PTPRD: variants seen among roughly 807,000 people sequenced by gnomAD.
The protein encoded by PTPRD is protein tyrosine phosphatase receptor type D.
A neutral mutation model predicts 214.5 loss-of-function variants in PTPRD; 34 were observed. That is an observed-to-expected ratio of 0.16 (90% CI 0.12 to 0.21). PTPRD has a LOEUF of 0.21. PTPRD is among the 10% of genes least tolerant of loss of function. The pLI, the probability that PTPRD is intolerant of heterozygous loss-of-function variation, is 1.00. For missense variants in PTPRD, 2,545 were observed against 2,398.7 expected (o/e 1.06, Z -1.27); for synonymous variants, 1,128 against 845.7 (o/e 1.33, Z -5.79).
chr9:8,440,054 T>C (rs1190808922), intron 34 of PTPRD, among the ~76,000 whole-genome samples: 1 of 150,336 alleles, frequency 6.7e-6, no homozygotes. Context: ...CACTGGCTCT[T>C]AGTCCTATAG....
chr9:8,452,881 C>A (rs1162509360), intron 33 of PTPRD, among the ~76,000 whole-genome samples: 2 of 152,102 alleles, frequency 1.3e-5, no homozygotes, highest in East Asian at 1.9e-4. Flanking sequence ...AATTCATGGT[C>A]TTGAAACAAA....
chr9:10,070,581 AG>A (rs1328823255), intron 3 of PTPRD, among the ~76,000 whole-genome samples: 5 of 152,080 alleles, frequency 3.3e-5, no homozygotes, highest in Non-Finnish European at 7.4e-5. Flanking sequence ...TAAAATTAAA[AG>A]AGTCATTTAT....
chr9:8,499,620 CAG>C (rs772162510), intron 25 of PTPRD, 25 bp downstream of exon 25: 25 of 1,588,578 alleles, frequency 1.6e-5, no homozygotes, highest in East Asian at 9.0e-5. Context: ...TATATAAAAA[CAG>C]AGGTACATAA....
At chr9:10,262,030 A>G (rs1445011722) in intron 3 of PTPRD, among the ~76,000 whole-genome samples, 1 of 152,174 alleles carries the variant, frequency 6.6e-6, no homozygotes, top group Non-Finnish European at 1.5e-5. Flanking sequence ...AATCAAAGAG[A>G]GAAGATAATC....
In PTPRD at chr9:9,292,144, C is replaced by T. The variant is rs543924431; in HGVS notation, c.-203+105305G>A. 1.4e-4 allele frequency among the ~76,000 whole-genome samples: 21 copies of T among 150,376 alleles called. No individual in the cohort carries two copies. In the East Asian group the frequency reaches 2.0e-3, roughly 14 times the overall value. On this transcript the variant is annotated intron_variant, in intron 9 of 45. Coordinates refer to ENST00000381196, the MANE Select transcript of PTPRD (RefSeq NM_002839.4). ...TAGTGACATGGAAGGATCCTGAAAA[C>T]GTTTCATTCTCCTTAGATACTCTGT... is the stretch of plus-strand genomic sequence containing the variant.
intron 12 of PTPRD, among the ~76,000 whole-genome samples, chr9:8,671,176 G>A (rs781162286): frequency 1.6e-4 from 25 of 152,034 alleles, no homozygotes; most frequent in Non-Finnish European, 3.1e-4. Context: ...TATTCTAAAC[G>A]AATAACCCAA....
chr9:8,761,455 CTGTTTA>C (rs1381403285), intron 11 of PTPRD, among the ~76,000 whole-genome samples: 1 of 152,088 alleles, frequency 6.6e-6, no homozygotes, highest in East Asian at 1.9e-4. Context: ...AATATGGTTA[CTGTTTA>C]TAATGACCAT....
intron 3 of PTPRD, among the ~76,000 whole-genome samples, chr9:10,138,165 A>G (rs1293978726): frequency 6.6e-6 from 1 of 152,060 alleles, no homozygotes; most frequent in Non-Finnish European, 1.5e-5. Flanking sequence ...GAGAAAAGAG[A>G]TAAGATCTAA....
At chr9:8,791,117 G>C (rs1044274037) in intron 11 of PTPRD, among the ~76,000 whole-genome samples, 7 of 152,138 alleles carry the variant, frequency 4.6e-5, no homozygotes, top group African/African-American at 1.7e-4. Context: ...GAAGAAAGTA[G>C]AATCCTCAAA....
intron 35 of PTPRD, among the ~76,000 whole-genome samples, chr9:8,415,624 ATAATC>A (rs550361990): frequency 7.2e-4 from 110 of 152,178 alleles, no homozygotes; most frequent in Non-Finnish European, 1.3e-3. Context: ...CAAATGTAAT[ATAATC>A]TAAACAGTAA....
chr9:9,445,555 G>C (rs1156705065), intron 8 of PTPRD, among the ~76,000 whole-genome samples: 1 of 152,138 alleles, frequency 6.6e-6, no homozygotes, highest in East Asian at 1.9e-4. Flanking sequence ...AATCATGGCG[G>C]AAGGGGAAGC....
chr9:8,692,686 G>T (rs1239980606), intron 12 of PTPRD, among the ~76,000 whole-genome samples: 2 of 152,130 alleles, frequency 1.3e-5, no homozygotes, highest in African/African-American at 4.8e-5. Flanking sequence ...TTTTAAAATT[G>T]TTAAGTGCTG....
intron 40 of PTPRD, 104 bp downstream of exon 40, chr9:8,341,589 A>T: frequency 7.7e-7 from 1 of 1,307,184 alleles, no homozygotes; most frequent in Non-Finnish European, 1.1e-6. Context: ...AGGTCAAATG[A>T]ATCTTGTACT....
chr9:8,334,661 C>G (rs1275407602), intron 43 of PTPRD, among the ~76,000 whole-genome samples: 1 of 109,638 alleles, frequency 9.1e-6, no homozygotes, highest in African/African-American at 3.8e-5. Context: ...CAAAAGCTAA[C>G]AGAAGACAAG....
intron 12 of PTPRD, among the ~76,000 whole-genome samples, chr9:8,673,224 A>G (rs1337001202): frequency 1.3e-5 from 2 of 152,114 alleles, no homozygotes; most frequent in Non-Finnish European, 2.9e-5. Flanking sequence ...ACACACACAT[A>G]CGCACAGCTA....
At chr9:9,552,331 T>C (rs1168297549) in intron 8 of PTPRD, among the ~76,000 whole-genome samples, 1 of 151,902 alleles carries the variant, frequency 6.6e-6, no homozygotes, top group Non-Finnish European at 1.5e-5. Flanking sequence ...TGTTGGATAA[T>C]TTCGCAGTCA....
chr9:8,671,332 T>C (rs1322942423), intron 12 of PTPRD, among the ~76,000 whole-genome samples: 2 of 152,040 alleles, frequency 1.3e-5, no homozygotes, highest in African/African-American at 4.8e-5. Context: ...GGAAGGCATA[T>C]AAATTAGTAA....
chr9:8,534,472 G>C (rs545717168), intron 14 of PTPRD, among the ~76,000 whole-genome samples: 3 of 151,852 alleles, frequency 2.0e-5, no homozygotes, highest in East Asian at 3.9e-4. Flanking sequence ...GATATCTTAC[G>C]GTTTGAGTCA....
intron 4 of PTPRD, among the ~76,000 whole-genome samples, chr9:9,952,535 T>C (rs1002224506): frequency 6.6e-6 from 1 of 152,162 alleles, no homozygotes; most frequent in African/African-American, 2.4e-5. Flanking sequence ...TGTTTCTCAC[T>C]CGTTCTGACA....
Sources: allele counts gnomAD v4.1 joint callset (sites outside exome capture counted in the v4.1 genomes callset), GRCh38; gene constraint gnomAD v4.1.1; transcripts MANE v1.5; gene names NCBI Gene and HGNC (gene_info 2026-07-23, HGNC 2026-07-21).